The following TAF1 variants were observed in gnomAD, a reference collection of about 807,000 sequenced individuals.
TAF1 encodes transcription initiation factor TFIID subunit 1.
Under a neutral mutation model 138.5 loss-of-function variants are expected in TAF1, and 2 were observed. The ratio of observed to expected loss-of-function variants is 0.01; its 90% CI spans 0.01 to 0.05. The LOEUF (loss-of-function observed/expected upper bound fraction) is 0.05. Among genes scored for constraint, TAF1 ranks in the 10% least tolerant of loss-of-function variants. TAF1 has a pLI of 1.00. For missense variants in TAF1, 709 were observed against 1,478.0 expected, an observed-to-expected ratio of 0.48 and a Z score of 8.53; for synonymous variants, 437 against 503.2, an observed-to-expected ratio of 0.87 and a Z score of 1.76.
At chrX:71,432,976 C>T (rs1315526258) in intron 32 of TAF1, among the ~76,000 whole-genome samples, 3 of 111,993 alleles carry the variant, frequency 2.7e-5, no homozygotes, top group South Asian at 7.4e-4. Flanking sequence ...TTTGGTATAT[C>T]CTTCTGCATT....
chrX:71,424,371 G>T, intron 32 of TAF1, 133 bp downstream of exon 32: 2 of 342,362 alleles, frequency 5.8e-6, no homozygotes, highest in Non-Finnish European at 4.8e-6. Context: ...GCTGTGGTGT[G>T]ATCATAGTTC....
At chrX:71,509,961 AGAGT>A (rs765298059) in intron 13 of TAF1, among the ~76,000 whole-genome samples, 8 of 104,382 alleles carry the variant, frequency 7.7e-5, no homozygotes, top group African/African-American at 2.0e-4. Context: ...CCTGGGTGAC[AGAGT>A]GAGACTCTGT....
chrX:71,523,180 CAAAAA>C (rs754302629), intron 13 of TAF1, among the ~76,000 whole-genome samples: 1 of 15,379 alleles, frequency 6.5e-5, no homozygotes, highest in Admixed American at 9.6e-4. Flanking sequence ...GACTCCCTCT[CAAAAA>C]AAAAAAAAAA....
intron 32 of TAF1, among the ~76,000 whole-genome samples, chrX:71,430,400 A>G (rs1395205000): frequency 9.0e-6 from 1 of 110,796 alleles, no homozygotes; most frequent in Non-Finnish European, 1.9e-5. Flanking sequence ...AAAAAAAAAA[A>G]AAAAAGGCAC....
chrX:71,393,018 A>G (rs1242314136), intron 20 of TAF1, 24 bp downstream of exon 20: 1 of 1,207,484 alleles, frequency 8.3e-7, no homozygotes, highest in Admixed American at 2.2e-5. Flanking sequence ...TGGAAAATTT[A>G]GAGTATACTA....
intron 34 of TAF1, among the ~76,000 whole-genome samples, chrX:71,455,938 C>T (rs746659677): frequency 3.0e-4 from 33 of 111,378 alleles, no homozygotes; most frequent in South Asian, 1.9e-3. Context: ...TTTCATCTCA[C>T]AACCTAGGTT....
At chrX:71,384,204 A>G in intron 13 of TAF1, 69 bp downstream of exon 13, 1 of 1,138,204 alleles carries the variant, frequency 8.8e-7, no homozygotes, top group Non-Finnish European at 1.2e-6. Flanking sequence ...ACTTTTATGT[A>G]CAAACTTTTT....
intron 35 of TAF1, 79 bp downstream of exon 35, chrX:71,458,445 A>G: frequency 9.1e-7 from 1 of 1,097,410 alleles, no homozygotes; most frequent in Non-Finnish European, 1.2e-6. Context: ...GGTGATGGTG[A>G]TATGTGACAT....
At chrX:71,398,427 G>A (rs1377959898) in intron 23 of TAF1, 145 bp from the exon 24 acceptor site, 1 of 722,810 alleles carries the variant, frequency 1.4e-6, no homozygotes, top group Non-Finnish European at 2.0e-6. Context: ...ACTAGGGAGG[G>A]AGATGGGAAT....
intron 3 of TAF1, among the ~76,000 whole-genome samples, chrX:71,373,315 G>A (rs1386828949): frequency 1.8e-5 from 2 of 109,678 alleles, no homozygotes; most frequent in Admixed American, 9.9e-5. Flanking sequence ...CTACAGGCCC[G>A]TGCCACCTCT....
Position 71,424,062 on chromosome X carries a change from G to A in TAF1, c.4664G>A (p.Arg1555His), listed in dbSNP as rs1345734877. 6.6e-6 allele frequency: 8 copies of A among 1,207,565 alleles called. No individual in the cohort carries two copies. Among genetic ancestry groups the A allele is most frequent in the South Asian group, 5.3e-5 (3 of 56,632 alleles). ...IVNPMDLETIRKNISKHKYQS... is the reference protein window; with the variant it reads ...IVNPMDLETIHKNISKHKYQS... ...AATCCAATGGATTTAGAGACCATAC[G>A]TAAGGTGAGTGAGTGATTTGATCTA... is the stretch of plus-strand genomic sequence containing the variant. The change falls in exon 31 of 38, where the codon CGT becomes CAT. Residue 1555 changes from arginine (R) to histidine (H), a missense_variant. By Grantham distance (29) the Arg-to-His change is conservative (BLOSUM62 0). Transcript: ENST00000423759.
intron 8 of TAF1, among the ~76,000 whole-genome samples, 174 bp from the exon 9 acceptor site, chrX:71,381,569 A>G (rs2033892476): frequency 8.9e-6 from 1 of 112,624 alleles, no homozygotes; most frequent in Non-Finnish European, 1.9e-5. Flanking sequence ...TGAGCCTGCA[A>G]CATTATTTTA....
chrX:71,515,132 A>G (rs1390710528), intron 13 of TAF1, among the ~76,000 whole-genome samples: 2 of 111,879 alleles, frequency 1.8e-5, no homozygotes, highest in African/African-American at 6.5e-5. Context: ...ATAGAGCCCC[A>G]GAGACCAGTT....
At position 71,377,000 on chromosome X, in the gene TAF1, T is replaced by A. The variant is rs1234377651; in HGVS notation, c.523T>A (p.Ser175Thr). The change falls in exon 5 of 38, where the codon TCT (serine) becomes ACT (threonine). Residue 175 changes from serine to threonine, a missense_variant. Physicochemically the swap from Ser to Thr is moderately conservative, Grantham distance 58. Around this residue, in one of 14 missense-constraint regions of TAF1, gnomAD observed 123 missense variants for 161.6 expected, o/e 0.76. Coordinates refer to ENST00000423759, the MANE Select transcript of TAF1 (RefSeq NM_004606.5). ...IILPSIIAPS[S>T]LASEKVDFSS... The stretch of plus-strand genomic sequence containing the variant: ...CTTGCCCTCCATCATTGCCCCTTCC[T>A]CTTTGGCCTCAGAGAAAGTGGACTT... The A allele has an allele frequency of 8.3e-7, 1 of 1,211,757 alleles. No homozygotes were observed. Among genetic ancestry groups the A allele is most frequent in the Non-Finnish European group, 1.1e-6 (1 of 895,508 alleles).
rs374336992 is a variant in TAF1 at position 71,404,997 on chromosome X, C to G, written c.3999-1641C>G. Among the ~76,000 whole-genome samples, 18 of 99,058 alleles carry G rather than the reference C, an allele frequency of 1.8e-4. No individual in the cohort carries two copies. The East Asian group carries it at 5.5e-3, about 30-fold the overall frequency. 86.0% of individuals were successfully genotyped at this position (99,058 alleles called of 115,157 possible). ...TTTGAGACAGAGTCTCGCTCTGTCA[C>G]CCAGGCTGGAGTGCAGTGGCGCAAT... On this transcript the variant is annotated intron_variant, in intron 25 of 37. Coordinates refer to ENST00000423759, the MANE Select transcript of TAF1 (RefSeq NM_004606.5).
chrX:71,425,713 A>G (rs925240128), intron 32 of TAF1, among the ~76,000 whole-genome samples: 10 of 111,344 alleles, frequency 9.0e-5, no homozygotes, highest in Non-Finnish European at 1.7e-4. Context: ...TGCAGATTGC[A>G]TCAGACGAGA....
At chrX:71,375,075 C>CAA (rs377394790) in intron 3 of TAF1, 92 bp from the exon 4 acceptor site, 1,776 of 899,092 alleles carry the variant, frequency 2.0e-3, no homozygotes, top group East Asian at 2.9e-3. Context: ...GACTCTGTCT[C>CAA]AAAAAAAAAA....
intron 13 of TAF1, among the ~76,000 whole-genome samples, chrX:71,488,421 T>G (rs1409116578): frequency 9.3e-6 from 1 of 107,945 alleles, no homozygotes; most frequent in African/African-American, 3.4e-5. Flanking sequence ...TTTTTGTATT[T>G]TTTAGTAGAG....
chrX:71,516,324 G>A (rs1354079232), intron 13 of TAF1, among the ~76,000 whole-genome samples: 1 of 103,509 alleles, frequency 9.7e-6, no homozygotes, highest in Non-Finnish European at 2.0e-5. Flanking sequence ...TGCCAGCCTC[G>A]GCCTCCGAAA....
Sources: gnomAD v4.1 joint callset for allele counts (sites outside exome capture counted in the v4.1 genomes callset) on GRCh38, gnomAD v4.1.1 for gene constraint, gnomAD v4.1.1 regional missense constraint, MANE v1.5 for transcripts, NCBI Gene and HGNC (gene_info 2026-07-23, HGNC 2026-07-21) for gene names.